The following HSPG2 variants were observed in gnomAD, a reference collection of about 807,000 sequenced individuals.
HSPG2 encodes the protein basement membrane-specific heparan sulfate proteoglycan core protein.
HSPG2 carries 278 observed loss-of-function variants against 526.6 expected under a neutral mutation model. That is an observed-to-expected ratio of 0.53 (90% CI 0.48 to 0.58). HSPG2 has a LOEUF of 0.58. Among genes scored for constraint, HSPG2 ranks in the 20% least tolerant of loss-of-function variants. The probability of loss-of-function intolerance (pLI) is 0.00; values close to 1 mark genes in which losing one functional copy is unlikely to be tolerated. For missense variants in HSPG2, 5,354 were observed against 6,099.5 expected, an observed-to-expected ratio of 0.88 and a Z score of 4.07; for synonymous variants, 2,465 against 2,555.4, an observed-to-expected ratio of 0.96 and a Z score of 1.07.
chr1:21,852,186 C>T lies in HSPG2; in HGVS notation c.6772G>A (p.Glu2258Lys), dbSNP rs770242301. The change falls in exon 53 of 97, where the codon GAG becomes AAG. Residue 2258 changes from glutamate to lysine, a missense_variant. Glu to Lys is a moderately conservative substitution (Grantham distance 56). Transcript: ENST00000374695. Reference protein sequence around the residue: ...RIESSSSTVAEGQTLDLSCVV... With the variant: ...RIESSSSTVAKGQTLDLSCVV... ...CAGCTCAGATCCAGGGTCTGGCCCT[C>T]GGCCACTGTGGAGGATGAAGACTCG... The T allele has an allele frequency of 6.4e-5, 104 of 1,613,960 alleles. No individual in the cohort carries two copies. Among genetic ancestry groups the T allele is most frequent in the Non-Finnish European group, 8.4e-5 (99 of 1,180,054 alleles).
In HSPG2 at chr1:21,824,644, G is replaced by A. The variant is rs117725886; in HGVS notation, c.12666-29C>T. 4.1e-5 allele frequency: 66 copies of A among 1,613,490 alleles called. No homozygotes were observed. The East Asian group carries it at 1.4e-3, about 35-fold the overall frequency. Reference sequence around the variant, plus strand: ...CGGAGGAAGAGCGGGTGAGGGGACAGAAGTCCCAGATTCCCATCCTCCCCA... The same window carrying A: ...CGGAGGAAGAGCGGGTGAGGGGACAAAAGTCCCAGATTCCCATCCTCCCCA... On this transcript the variant is annotated intron_variant, in intron 92 of 96. Transcript: ENST00000374695. This position sits in a 1 kb window ranked among gnomAD's most constrained non-coding sequence, Gnocchi z 5.9.
At chr1:21,840,469 C>A (rs1185478976) in intron 71 of HSPG2, among the ~76,000 whole-genome samples, 1 of 152,102 alleles carries the variant, frequency 6.6e-6, no homozygotes, top group African/African-American at 2.4e-5. Flanking sequence ...TCACGCCTGG[C>A]TAATTTTTTT....
chr1:21,875,110 A>G lies in HSPG2; in HGVS notation c.3303-108T>C, dbSNP rs1227840885. The G allele has an allele frequency of 6.0e-6, 5 of 834,562 alleles. No individual in the cohort carries two copies. The East Asian group carries it at 1.3e-4, about 22-fold the overall frequency. 51.7% of individuals were successfully genotyped at this position (834,562 alleles called of 1,614,324 possible). ...TTAGTCCTCCCGACAGCCCTGTCAC[A>G]GTGCTGCTGGGGCCCTGTCCAGATC... On this transcript the variant is annotated intron_variant, in intron 25 of 96. Coordinates refer to ENST00000374695, the MANE Select transcript of HSPG2 (RefSeq NM_005529.7).
intron 37 of HSPG2, among the ~76,000 whole-genome samples, chr1:21,863,202 C>T (rs554848087): frequency 8.8e-4 from 133 of 150,528 alleles, no homozygotes; most frequent in Non-Finnish European, 1.3e-3. Context: ...TGAAACCCCG[C>T]CTCTACTAAA....
chr1:21,869,289 C>G (rs1640472745), intron 33 of HSPG2, among the ~76,000 whole-genome samples: 1 of 152,210 alleles, frequency 6.6e-6, no homozygotes, highest in Admixed American at 6.5e-5. Flanking sequence ...TGGCTCCTTT[C>G]ATATGTATTT....
chr1:21,888,692 C>T (rs768601365), intron 6 of HSPG2: 14 of 1,365,028 alleles, frequency 1.0e-5, no homozygotes, highest in African/African-American at 1.5e-5. Context: ...ACCGCCACAG[C>T]GGCCGGCGGG....
rs765760046 is a variant in HSPG2, at chr1:21,884,559, C to T, written c.1623G>A (p.Arg541=). 1.2e-6 allele frequency: 2 copies of T among 1,611,210 alleles called. No individual in the cohort carries two copies. The highest frequency in any genetic ancestry group is 1.3e-5 in the African/African-American group (1 of 74,850). ...AGTCATCGGGTTGGTCAAAGCGCAG[C>T]CTGATCTGGTCCCGGAAGCGGCGGG... The part of the protein sequence containing the change: ...QSTRRFRDQI[R]LRFDQPDDFK... The change falls in exon 13 of 97, where the codon AGG becomes AGA. Residue 541 remains arginine, a synonymous_variant. Transcript: ENST00000374695.
chr1:21,875,924 T>C lies in HSPG2; in HGVS notation c.3122A>G (p.His1041Arg). 1 of 1,614,136 alleles carries C rather than the reference T, an allele frequency of 6.2e-7. No homozygotes were observed. Among genetic ancestry groups the C allele is most frequent in the South Asian group, 1.1e-5 (1 of 91,082 alleles). The change falls in exon 24 of 97, where the codon CAC becomes CGC. Residue 1041 changes from histidine (H) to arginine (R), a missense_variant. Coordinates refer to ENST00000374695, the MANE Select transcript of HSPG2 (RefSeq NM_005529.7). Reference sequence around the variant, plus strand: ...GGGGCTGGGCTCCTGGGCCACATGGTGCTCTAGGATGATGTTGTTACCTTG... The same window carrying C: ...GGGGCTGGGCTCCTGGGCCACATGGCGCTCTAGGATGATGTTGTTACCTTG... Reference protein sequence around the residue: ...VLQGNNIILEHHVAQEPSPGQ... With the variant: ...VLQGNNIILERHVAQEPSPGQ...
chr1:21,874,292 C>T, intron 28 of HSPG2, 114 bp downstream of exon 28: 5 of 1,382,016 alleles, frequency 3.6e-6, no homozygotes, highest in Non-Finnish European at 5.0e-6. Flanking sequence ...ACTGAGCAGG[C>T]AGTAAGGCCA....
In HSPG2 at chr1:21,872,215, G is replaced by A; in HGVS notation, c.4192C>T (p.Gln1398Ter). The A allele has an allele frequency of 1.3e-6, 2 of 1,552,084 alleles. No individual in the cohort carries two copies. The highest frequency in any genetic ancestry group is 1.7e-6 in the Non-Finnish European group (2 of 1,147,182). The change falls in exon 33 of 97, where the codon CAG becomes TAG. Residue 1398 changes from glutamine (Q) to a stop codon, truncating the protein, a stop_gained. Coordinates refer to ENST00000374695, the MANE Select transcript of HSPG2 (RefSeq NM_005529.7). LOFTEE classifies it high-confidence loss of function. The surrounding 1 kb of genome is among the most constrained non-coding windows in gnomAD (Gnocchi z 5.5). Reference protein sequence around the residue: ...AQLGHESFYWQLPETYQGDKV... With the variant: ...AQLGHESFYW ...TCTCCCTGGTATGTCTCCGGCAGCT[G>A]CCAGTAGAAGGACTCATGGCCGAGT...
intron 33 of HSPG2, chr1:21,870,709 G>T: frequency 2.1e-6 from 1 of 467,600 alleles, no homozygotes; most frequent in African/African-American, 2.1e-5. Context: ...ATGGGACACC[G>T]CCTGGATTCA....
At chr1:21,886,877 T>C (rs1247901014) in intron 9 of HSPG2, among the ~76,000 whole-genome samples, 1 of 152,022 alleles carries the variant, frequency 6.6e-6, no homozygotes, top group East Asian at 1.9e-4. Context: ...CTCCTAGCCA[T>C]TCATCCGACC....
In HSPG2 at chr1:21,841,044, G is replaced by A. The variant is rs910962953; in HGVS notation, c.9513+57C>T. The A allele has an allele frequency of 6.6e-6, 10 of 1,518,618 alleles. No individual in the cohort carries two copies. The East Asian group carries it at 9.8e-5, about 15-fold the overall frequency. The allele number at this position is 1,518,618 out of a possible 1,614,324, so 94.1% of individuals were successfully genotyped here. On this transcript the variant is annotated intron_variant, in intron 71 of 96. Coordinates refer to ENST00000374695, the MANE Select transcript of HSPG2 (RefSeq NM_005529.7). ...CCACTACTATCTCCTCCAAGCACCC[G>A]CTCAAGGCTGGGCCATGGACTGGGC... is the stretch of plus-strand genomic sequence containing the variant.
In HSPG2 at chr1:21,873,912, C is replaced by G. The variant is rs1013200750; in HGVS notation, c.3743+13G>C. The stretch of plus-strand genomic sequence containing the variant: ...TGTGCGCATCCCCCCACCCTCTCCA[C>G]CCCCTGCCTCACCTCTCACAGTGAC... On this transcript the variant is annotated intron_variant, in intron 29 of 96. Coordinates refer to ENST00000374695, the MANE Select transcript of HSPG2 (RefSeq NM_005529.7). The G allele has an allele frequency of 1.3e-5, 20 of 1,567,850 alleles. No individual in the cohort carries two copies. The highest frequency in any genetic ancestry group is 1.6e-5 in the Non-Finnish European group (19 of 1,155,274).
At chr1:21,900,656 G>C (rs771674694) in intron 1 of HSPG2, among the ~76,000 whole-genome samples, 2 of 152,140 alleles carry the variant, frequency 1.3e-5, no homozygotes, top group African/African-American at 4.8e-5. Flanking sequence ...CGGAGAGCAG[G>C]TACAGATCAC....
Position 21,887,916 on chromosome 1 carries a change from G to A in HSPG2, c.703+22C>T, listed in dbSNP as rs185397994. ...CCCTCCCCTGGCACCCAAACCACTC[G>A]TGGCCCCGGACATCCCCTCACCACA... is the stretch of plus-strand genomic sequence containing the variant. On this transcript the variant is annotated intron_variant, in intron 7 of 96. Coordinates refer to ENST00000374695, the MANE Select transcript of HSPG2 (RefSeq NM_005529.7). This position sits in a 1 kb window ranked among gnomAD's most constrained non-coding sequence, Gnocchi z 5.0. 7,430 of 1,613,794 alleles carry A rather than the reference G, an allele frequency of 4.6e-3. 22 individuals carry two copies. Among genetic ancestry groups the A allele is most frequent in the Middle Eastern group, 9.1e-3 (55 of 6,062 alleles).
Position 21,885,069 on chromosome 1 carries a change from G to A in HSPG2, c.1299C>T (p.Val433=). The change falls in exon 11 of 97, where the codon GTC becomes GTT. Residue 433 remains valine, a synonymous_variant. Coordinates refer to ENST00000374695, the MANE Select transcript of HSPG2 (RefSeq NM_005529.7). ...TVTFTCVAIG[V]PTPIINWRLN... Reference sequence around the variant, plus strand: ...GCCTCCAATTGATGATGGGGGTGGGGACGCCAATGGCCACGCAGGTGAAGG... The same window carrying A: ...GCCTCCAATTGATGATGGGGGTGGGAACGCCAATGGCCACGCAGGTGAAGG... 1 of 1,613,876 alleles carries A rather than the reference G, an allele frequency of 6.2e-7. No homozygotes were observed. Among genetic ancestry groups the A allele is most frequent in the Non-Finnish European group, 8.5e-7 (1 of 1,179,998 alleles).
Position 21,872,095 on chromosome 1 carries a change from G to T in HSPG2, c.4221+91C>A. The T allele has an allele frequency of 7.3e-7, 1 of 1,369,904 alleles. No homozygotes were observed. Among genetic ancestry groups the T allele is most frequent in the Non-Finnish European group, 1.0e-6 (1 of 983,442 alleles). 84.9% of individuals were successfully genotyped at this position (1,369,904 alleles called of 1,614,324 possible). A position where few individuals can be genotyped will look rare whatever the true frequency, so the allele number is the denominator to read the frequency against. On this transcript the variant is annotated intron_variant, in intron 33 of 96. Coordinates refer to ENST00000374695, the MANE Select transcript of HSPG2 (RefSeq NM_005529.7). This position sits in a 1 kb window ranked among gnomAD's most constrained non-coding sequence, Gnocchi z 5.5. ...ACGTGCCTAACCACGATATGGCCAT[G>T]CAGGTGGCAGGTGCCTGCCTGCTGA...
intron 39 of HSPG2, 113 bp from the exon 40 acceptor site, chr1:21,860,348 C>A: frequency 1.0e-6 from 1 of 957,596 alleles, no homozygotes; most frequent in Non-Finnish European, 1.6e-6. Flanking sequence ...TGAGGAGGCT[C>A]GGAGCTCTGG....
Sources: gnomAD v4.1 joint callset for allele counts (sites outside exome capture counted in the v4.1 genomes callset) on GRCh38, gnomAD v4.1.1 for gene constraint, Gnocchi (gnomAD v3.1) non-coding constraint, MANE v1.5 for transcripts, NCBI Gene and HGNC (gene_info 2026-07-23, HGNC 2026-07-21) for gene names.